AAK1: variants seen among roughly 807,000 people sequenced by gnomAD.
The protein encoded by AAK1 is AP2 associated kinase 1, also known as AP2-associated protein kinase 1.
Under a neutral mutation model 116.0 loss-of-function variants are expected in AAK1, and 37 were observed. That is an observed-to-expected ratio of 0.32 (90% CI 0.25 to 0.42). The LOEUF is 0.42. AAK1 is among the 10% of genes least tolerant of loss of function. The pLI is 1.00. For missense variants in AAK1, 919 were observed against 1,170.6 expected, an observed-to-expected ratio of 0.79 and a Z score of 3.14; for synonymous variants, 458 against 439.9, an observed-to-expected ratio of 1.04 and a Z score of -0.51.
intron 17 of AAK1, among the ~76,000 whole-genome samples, chr2:69,493,184 A>G (rs1675608576): frequency 1.3e-5 from 2 of 148,710 alleles, no homozygotes; most frequent in Admixed American, 6.7e-5. Context: ...AAAAGGATGC[A>G]GTGGCCTTGA....
At chr2:69,554,662 C>T (rs958803479) in intron 3 of AAK1, among the ~76,000 whole-genome samples, 24 of 152,198 alleles carry the variant, frequency 1.6e-4, no homozygotes, top group Non-Finnish European at 2.6e-4. Context: ...GAAGAAAAAT[C>T]AAGAACTAGC....
In AAK1 at chr2:69,519,190, G is replaced by C; in HGVS notation, c.1261C>G (p.Gln421Glu). ...LLASVPQPKP[Q>E]APPSQPLPQT... ...GGCAGAGGCTGGCTGGGTGGGGCTT[G>C]GGGTTTTGGTTGGGGAACACTGGCT... The change falls in exon 12 of 22, where the codon CAA (glutamine) becomes GAA (glutamate). Residue 421 changes from glutamine (Q) to glutamate (E), a missense_variant. By Grantham distance (29) the Gln-to-Glu change is conservative. Around this residue, in one of 4 missense-constraint regions of AAK1, gnomAD observed 214 missense variants for 210.6 expected, o/e 1.02. Transcript: ENST00000409085. 6.3e-7 allele frequency: 1 copy of C among 1,587,850 alleles called. No homozygotes were observed. Among genetic ancestry groups the C allele is most frequent in the Non-Finnish European group, 8.6e-7 (1 of 1,167,408 alleles).
chr2:69,642,150 T>C (rs566948290), intron 2 of AAK1, among the ~76,000 whole-genome samples: 2 of 151,906 alleles, frequency 1.3e-5, no homozygotes, highest in South Asian at 2.1e-4. Flanking sequence ...CTAAATAACA[T>C]CCTCTCTGAT....
At chr2:69,585,899 T>C (rs1672743572) in intron 2 of AAK1, among the ~76,000 whole-genome samples, 2 of 152,230 alleles carry the variant, frequency 1.3e-5, no homozygotes, top group South Asian at 2.1e-4. Flanking sequence ...CCCAAAGCTA[T>C]TGAAAAGCAC....
chr2:69,631,635 T>A (rs1675178573), intron 2 of AAK1, among the ~76,000 whole-genome samples: 2 of 152,168 alleles, frequency 1.3e-5, no homozygotes, highest in African/African-American at 4.8e-5. Context: ...AAGGTGGAAG[T>A]CTCCTCCAAA....
At chr2:69,624,430 T>C (rs1674804581) in intron 2 of AAK1, among the ~76,000 whole-genome samples, 1 of 152,228 alleles carries the variant, frequency 6.6e-6, no homozygotes. Context: ...TATTGCTAAG[T>C]GAGAAAGCAG....
intron 3 of AAK1, among the ~76,000 whole-genome samples, chr2:69,550,698 C>A (rs1263679354): frequency 6.6e-6 from 1 of 152,016 alleles, no homozygotes; most frequent in East Asian, 1.9e-4. Flanking sequence ...TCACTGCAAC[C>A]CGCACCTCCC....
At chr2:69,487,787 CTTTTTTTTTT>C (rs1177565486) in intron 17 of AAK1, among the ~76,000 whole-genome samples, 2 of 122,802 alleles carry the variant, frequency 1.6e-5, no homozygotes, top group African/African-American at 2.9e-5. Flanking sequence ...TGTTTGTTTG[CTTTTTTTTTT>C]TTTTTTTTTG....
chr2:69,592,348 TG>T (rs1387528006), intron 2 of AAK1, among the ~76,000 whole-genome samples: 2 of 152,100 alleles, frequency 1.3e-5, no homozygotes, highest in African/African-American at 2.4e-5. Context: ...TTGTCACAAC[TG>T]GGGAGACAAG....
At chr2:69,567,813 G>A (rs991658808) in intron 2 of AAK1, among the ~76,000 whole-genome samples, 1 of 152,160 alleles carries the variant, frequency 6.6e-6, no homozygotes, top group Non-Finnish European at 1.5e-5. Flanking sequence ...AAATCTCTCT[G>A]CTGTCACAAT....
chr2:69,492,063 A>C (rs546420471), intron 17 of AAK1, among the ~76,000 whole-genome samples: 32 of 152,222 alleles, frequency 2.1e-4, no homozygotes, highest in African/African-American at 7.7e-4. Flanking sequence ...CCTCACCCAC[A>C]CCATGAGGGC....
At chr2:69,641,743 T>G (rs1675734279) in intron 2 of AAK1, among the ~76,000 whole-genome samples, 1 of 152,112 alleles carries the variant, frequency 6.6e-6, no homozygotes, top group African/African-American at 2.4e-5. Context: ...TTGCTTCAAC[T>G]TTAGCTTGCA....
intron 2 of AAK1, among the ~76,000 whole-genome samples, chr2:69,558,920 T>C (rs1671509641): frequency 6.6e-6 from 1 of 152,242 alleles, no homozygotes; most frequent in African/African-American, 2.4e-5. Context: ...CTTTACATAG[T>C]TATTCTTTTC....
chr2:69,476,219 C>A (rs543312093), intron 21 of AAK1, among the ~76,000 whole-genome samples: 2 of 152,166 alleles, frequency 1.3e-5, no homozygotes, highest in African/African-American at 2.4e-5. Context: ...GGTAGGACAT[C>A]TTGCAAAGAG....
At chr2:69,479,520 T>C (rs1387915531) in intron 19 of AAK1, among the ~76,000 whole-genome samples, 1 of 152,108 alleles carries the variant, frequency 6.6e-6, no homozygotes, top group African/African-American at 2.4e-5. Flanking sequence ...ACAATTAGAG[T>C]TTCACTTAAA....
chr2:69,538,612 T>G (rs1670576440), intron 5 of AAK1, among the ~76,000 whole-genome samples: 1 of 152,252 alleles, frequency 6.6e-6, no homozygotes, highest in African/African-American at 2.4e-5. Flanking sequence ...CTGGGCATGG[T>G]GGCCCATGCC....
chr2:69,635,903 G>A (rs1328599392), intron 2 of AAK1, among the ~76,000 whole-genome samples: 5 of 152,054 alleles, frequency 3.3e-5, no homozygotes, highest in African/African-American at 9.7e-5. Context: ...ACACCTAGAC[G>A]TACATTTAAA....
At chr2:69,614,234 C>A (rs574216637) in intron 2 of AAK1, among the ~76,000 whole-genome samples, 1 of 151,958 alleles carries the variant, frequency 6.6e-6, no homozygotes, top group African/African-American at 2.4e-5. Context: ...GAGAGAAATA[C>A]CAAAGAAACA....
intron 2 of AAK1, among the ~76,000 whole-genome samples, chr2:69,582,757 G>A (rs1672601558): frequency 6.6e-6 from 1 of 152,216 alleles, no homozygotes; most frequent in Non-Finnish European, 1.5e-5. Flanking sequence ...TCAAAAGGAA[G>A]AGAAGAGACA....
Sources: gnomAD v4.1 joint callset for allele counts (sites outside exome capture counted in the v4.1 genomes callset) on GRCh38, gnomAD v4.1.1 for gene constraint, gnomAD v4.1.1 regional missense constraint, MANE v1.5 for transcripts, NCBI Gene and HGNC (gene_info 2026-07-23, HGNC 2026-07-21) for gene names.